SDCCAG8: variants seen among roughly 807,000 people sequenced by gnomAD.
SDCCAG8 encodes the protein SHH signaling and ciliogenesis regulator SDCCAG8.
A neutral mutation model predicts 101.8 loss-of-function variants in SDCCAG8; 74 were observed. The ratio of observed to expected loss-of-function variants is 0.73; its 90% CI spans 0.60 to 0.88. The LOEUF (loss-of-function observed/expected upper bound fraction) is 0.88. Among genes scored for constraint, SDCCAG8 ranks in the 40% least tolerant of loss-of-function variants. The pLI is 0.00. For synonymous variants in SDCCAG8, 281 were observed against 292.9 expected (o/e 0.96, Z 0.41); for missense variants, 787 against 822.6 (o/e 0.96, Z 0.53).
rs1225948651 is a variant in SDCCAG8, at chr1:243,413,065, G to A, written c.1617-2637G>A. On this transcript the variant is annotated intron_variant, in intron 13 of 17. Transcript: ENST00000366541. ...ATAATGTATAGTTTCCCAAATAGAG[G>A]GAAATTTGGGGAAGGATTCGAGAAA... 2.6e-5 allele frequency among the ~76,000 whole-genome samples: 4 copies of A among 152,048 alleles called. No homozygotes were observed. The East Asian group carries it at 7.7e-4, about 29-fold the overall frequency.
intron 13 of SDCCAG8, among the ~76,000 whole-genome samples, chr1:243,383,512 T>C (rs1320115984): frequency 6.6e-6 from 1 of 152,208 alleles, no homozygotes; most frequent in Non-Finnish European, 1.5e-5. Flanking sequence ...GCTTGGATGA[T>C]CTTTTGTTTA....
intron 17 of SDCCAG8, among the ~76,000 whole-genome samples, chr1:243,494,925 G>A (rs1485443280): frequency 6.6e-6 from 1 of 152,206 alleles, no homozygotes; most frequent in African/African-American, 2.4e-5. Context: ...TGTCAGTGTT[G>A]TCTTTATTTT....
intron 16 of SDCCAG8, among the ~76,000 whole-genome samples, chr1:243,442,377 G>A (rs369074471): frequency 5.9e-5 from 9 of 152,114 alleles, no homozygotes; most frequent in South Asian, 2.1e-4. Flanking sequence ...TTTGTTTGAC[G>A]TCATAGACTC....
chr1:243,365,503 G>T (rs2076946182), intron 12 of SDCCAG8, among the ~76,000 whole-genome samples: 1 of 152,082 alleles, frequency 6.6e-6, no homozygotes, highest in Admixed American at 6.5e-5. Context: ...CAGAATATTT[G>T]ATTATTTTCT....
At chr1:243,271,422 C>T (rs755586731) in intron 3 of SDCCAG8, among the ~76,000 whole-genome samples, 2 of 150,028 alleles carry the variant, frequency 1.3e-5, no homozygotes, top group African/African-American at 4.9e-5. Context: ...TTAGTAATTT[C>T]TTTTTTAGAG....
intron 16 of SDCCAG8, among the ~76,000 whole-genome samples, chr1:243,455,301 G>A (rs181179825): frequency 5.1e-4 from 77 of 152,082 alleles, no homozygotes; most frequent in African/African-American, 1.7e-3. Context: ...ATGGAATCTC[G>A]CTGTGTTGCC....
In SDCCAG8 at chr1:243,344,266, G is replaced by A; in HGVS notation, c.1408G>A (p.Glu470Lys). The A allele has an allele frequency of 1.2e-6, 2 of 1,614,020 alleles. No homozygotes were observed. Among genetic ancestry groups the A allele is most frequent in the South Asian group, 1.1e-5 (1 of 91,070 alleles). Residue 470 changes from glutamate to lysine, a missense_variant, in exon 12 of 18, where the codon GAG becomes AAG. Glu to Lys is a moderately conservative substitution (Grantham distance 56). Transcript: ENST00000366541. ...QLNKTNMEKDEAEKEHREFRA... is the reference protein window; with the variant it reads ...QLNKTNMEKDKAEKEHREFRA... The stretch of plus-strand genomic sequence containing the variant: ...GAATAAAACCAACATGGAGAAGGAT[G>A]AGGCAGAAAAGGAGCACAGAGAGTT...
At chr1:243,277,148 C>T (rs1218544577) in intron 4 of SDCCAG8, among the ~76,000 whole-genome samples, 1 of 152,132 alleles carries the variant, frequency 6.6e-6, no homozygotes, top group Non-Finnish European at 1.5e-5. Context: ...CTGTTTTTAC[C>T]TCTTTAAAGT....
In SDCCAG8 at chr1:243,337,905, A is replaced by G. The variant is rs1467733142; in HGVS notation, c.1222-3134A>G. 3.9e-5 allele frequency among the ~76,000 whole-genome samples: 6 copies of G among 152,212 alleles called. No homozygotes were observed. The East Asian group carries it at 1.2e-3, about 29-fold the overall frequency. On this transcript the variant is annotated intron_variant, in intron 10 of 17. Coordinates refer to ENST00000366541, the MANE Select transcript of SDCCAG8 (RefSeq NM_006642.5). ...TTTTTCAAATGAAAATTAATTCCAT[A>G]TAATTCCTTCTCTAGGGGATTTAAT... is the stretch of plus-strand genomic sequence containing the variant.
At chr1:243,498,838 A>G (rs1668737878) in intron 17 of SDCCAG8, among the ~76,000 whole-genome samples, 1 of 152,204 alleles carries the variant, frequency 6.6e-6, no homozygotes, top group African/African-American at 2.4e-5. Flanking sequence ...GTTCCTAACT[A>G]AAGAAAGAGG....
At chr1:243,329,615 G>A (rs760779587) in intron 9 of SDCCAG8, among the ~76,000 whole-genome samples, 1 of 152,054 alleles carries the variant, frequency 6.6e-6, no homozygotes, top group Non-Finnish European at 1.5e-5. Flanking sequence ...AGGGCCACTG[G>A]AATAAGACTA....
rs1436505129 is a variant in SDCCAG8 at position 243,497,578 on chromosome 1, G to C, written c.2113-2178G>C. Among the ~76,000 whole-genome samples, 4 of 152,134 alleles carry C rather than the reference G, an allele frequency of 2.6e-5. No individual in the cohort carries two copies. In the East Asian group the frequency reaches 7.7e-4, roughly 29 times the overall value. On this transcript the variant is annotated intron_variant, in intron 17 of 17. Coordinates refer to ENST00000366541, the MANE Select transcript of SDCCAG8 (RefSeq NM_006642.5). Reference sequence around the variant, plus strand: ...ACCCGTTTCTGGAACAGCTCCGATAGTGATAAATTGCTAGGTGGCCTGGGA... The same window carrying C: ...ACCCGTTTCTGGAACAGCTCCGATACTGATAAATTGCTAGGTGGCCTGGGA...
At chr1:243,407,895 TG>T (rs2079895755) in intron 13 of SDCCAG8, among the ~76,000 whole-genome samples, 1 of 152,226 alleles carries the variant, frequency 6.6e-6, no homozygotes, top group Non-Finnish European at 1.5e-5. Flanking sequence ...CTCATTCCTG[TG>T]TTTTCCTTTC....
intron 17 of SDCCAG8, 31 bp downstream of exon 17, chr1:243,489,171 TC>T (rs1665755958): frequency 6.2e-7 from 1 of 1,608,118 alleles, no homozygotes; most frequent in Non-Finnish European, 8.5e-7. Flanking sequence ...CAGGTGGGAG[TC>T]CTTGGGCGGG....
In SDCCAG8 at chr1:243,419,567, G is replaced by T. The variant is rs563526093; in HGVS notation, c.1853+1491G>T. Reference sequence around the variant, plus strand: ...TATTATATAAAAGAGACAAAAAGGTGCTTGGTATGTTATTTAATTCTCACC... The same window carrying T: ...TATTATATAAAAGAGACAAAAAGGTTCTTGGTATGTTATTTAATTCTCACC... On this transcript the variant is annotated intron_variant, in intron 15 of 17. Transcript: ENST00000366541. Among the ~76,000 whole-genome samples the T allele has an allele frequency of 1.0e-3, 152 of 152,258 alleles. 1 individual carries two copies. The highest frequency in any genetic ancestry group is 3.5e-3 in the African/African-American group (146 of 41,568).
At chr1:243,438,011 T>C (rs2082260535) in intron 16 of SDCCAG8, among the ~76,000 whole-genome samples, 1 of 152,170 alleles carries the variant, frequency 6.6e-6, no homozygotes, top group South Asian at 2.1e-4. Flanking sequence ...GCCTTTTTCC[T>C]GAGAAGGTTT....
intron 16 of SDCCAG8, chr1:243,476,361 A>G (rs1558521476): frequency 1.0e-6 from 1 of 985,456 alleles, no homozygotes; most frequent in South Asian, 4.7e-5. Context: ...ATGTGTGCCA[A>G]TAAGTGGGCT....
chr1:243,401,479 A>G (rs2147973568), intron 13 of SDCCAG8, among the ~76,000 whole-genome samples: 1 of 152,340 alleles, frequency 6.6e-6, no homozygotes, highest in South Asian at 2.1e-4. Context: ...AAGGATGATT[A>G]CTAGAGATTG....
At chr1:243,325,686 C>T (rs1312417150) in intron 9 of SDCCAG8, among the ~76,000 whole-genome samples, 2 of 152,130 alleles carry the variant, frequency 1.3e-5, no homozygotes, top group African/African-American at 4.8e-5. Context: ...TCACCACTTT[C>T]TAGGTCTCTG....
Sources: allele counts gnomAD v4.1 joint callset (sites outside exome capture counted in the v4.1 genomes callset), GRCh38; gene constraint gnomAD v4.1.1; transcripts MANE v1.5; gene names NCBI Gene and HGNC (gene_info 2026-07-23, HGNC 2026-07-21).